PREX1: variants seen among roughly 807,000 people sequenced by gnomAD.
PREX1 encodes the protein phosphatidylinositol 3,4,5-trisphosphate-dependent Rac exchanger 1 protein.
A neutral mutation model predicts 198.3 loss-of-function variants in PREX1; 41 were observed. The ratio of observed to expected loss-of-function variants is 0.21; its 90% CI spans 0.16 to 0.27. PREX1 has a LOEUF of 0.27. Among genes scored for constraint, PREX1 ranks in the 10% least tolerant of loss-of-function variants. The pLI, the probability that PREX1 is intolerant of heterozygous loss-of-function variation, is 1.00. For missense variants in PREX1, 1,620 were observed against 2,200.7 expected, an observed-to-expected ratio of 0.74 and a Z score of 5.28; for synonymous variants, 843 against 887.2, an observed-to-expected ratio of 0.95 and a Z score of 0.89.
chr20:48,701,355 G>A (rs1413020097), intron 6 of PREX1, among the ~76,000 whole-genome samples: 3 of 152,142 alleles, frequency 2.0e-5, no homozygotes, highest in Non-Finnish European at 2.9e-5. Flanking sequence ...TGGGATTACA[G>A]GCATGCGCCA....
intron 16 of PREX1, among the ~76,000 whole-genome samples, chr20:48,659,515 T>C (rs2089574287): frequency 6.6e-6 from 1 of 151,932 alleles, no homozygotes; most frequent in Non-Finnish European, 1.5e-5. Flanking sequence ...TTCATATGAG[T>C]CAGGCTTCAG....
chr20:48,838,482 C>T, the PREX1 span, among the ~76,000 whole-genome samples: 1 of 152,028 alleles, frequency 6.6e-6, no homozygotes, highest in Non-Finnish European at 1.5e-5. Context: ...TTTGAAAGAA[C>T]CTAAATTCTC....
intron 1 of PREX1, among the ~76,000 whole-genome samples, chr20:48,779,003 G>C (rs1334844326): frequency 2.0e-5 from 3 of 152,098 alleles, no homozygotes; most frequent in African/African-American, 7.2e-5. Flanking sequence ...AAGAAGAAAA[G>C]GGATAAATTA....
intron 16 of PREX1, among the ~76,000 whole-genome samples, chr20:48,659,710 G>A (rs1398188395): frequency 6.6e-6 from 1 of 152,182 alleles, no homozygotes; most frequent in Admixed American, 6.5e-5. Context: ...AGGGAGACCT[G>A]CAAGCCCAAT....
Position 48,827,061 on chromosome 20 carries a change from C to T in PREX1, c.219+581G>A, listed in dbSNP as rs1233433149. On this transcript the variant is annotated intron_variant, in intron 1 of 39. Transcript: ENST00000371941. This position sits in a 1 kb window ranked among gnomAD's most constrained non-coding sequence, Gnocchi z 4.1. The stretch of plus-strand genomic sequence containing the variant: ...GGTGGGGGTGGATGCAGTTAGGGAG[C>T]CTGGACTGCCGAGTTTTGAGTTCGA... Among the ~76,000 whole-genome samples the T allele has an allele frequency of 2.0e-5, 3 of 152,090 alleles. No homozygotes were observed. The highest frequency in any genetic ancestry group is 4.4e-5 in the Non-Finnish European group (3 of 68,018).
intron 1 of PREX1, among the ~76,000 whole-genome samples, chr20:48,769,004 T>C (rs1355022401): frequency 6.6e-6 from 1 of 152,138 alleles, no homozygotes; most frequent in Non-Finnish European, 1.5e-5. Context: ...CCACCCTGGT[T>C]TGTCTACTGT....
At chr20:48,628,434 T>A (rs1663041148) in intron 37 of PREX1, among the ~76,000 whole-genome samples, 1 of 152,166 alleles carries the variant, frequency 6.6e-6, no homozygotes, top group African/African-American at 2.4e-5. Context: ...ATGTAACTCC[T>A]CTGTGACCCT....
intron 1 of PREX1, among the ~76,000 whole-genome samples, chr20:48,776,115 C>A (rs1404447398): frequency 6.6e-6 from 1 of 152,068 alleles, no homozygotes; most frequent in Non-Finnish European, 1.5e-5. Flanking sequence ...GGTAGAGGAC[C>A]CCAAGGCCCA....
the PREX1 span, among the ~76,000 whole-genome samples, chr20:48,853,325 G>C: frequency 6.6e-6 from 1 of 152,114 alleles, no homozygotes; most frequent in Non-Finnish European, 1.5e-5. Context: ...AAAGAAAAGA[G>C]ATTTAATTGA....
chr20:48,853,419 G>A, the PREX1 span, among the ~76,000 whole-genome samples: 1 of 152,270 alleles, frequency 6.6e-6, no homozygotes, highest in East Asian at 1.9e-4. Flanking sequence ...TTAGGAGAGA[G>A]AATGAGTGCA....
intron 10 of PREX1, among the ~76,000 whole-genome samples, chr20:48,685,086 T>C (rs1385027697): frequency 6.6e-6 from 1 of 152,210 alleles, no homozygotes; most frequent in African/African-American, 2.4e-5. Flanking sequence ...ATTCCCTTCT[T>C]TCTATCTGTC....
chr20:48,737,360 C>G (rs6066830), intron 3 of PREX1, among the ~76,000 whole-genome samples: 2 of 151,724 alleles, frequency 1.3e-5, no homozygotes, highest in Non-Finnish European at 2.9e-5. Context: ...GGATGTTTTA[C>G]GTCTCATTCA....
intron 1 of PREX1, among the ~76,000 whole-genome samples, chr20:48,764,102 C>A (rs1402484384): frequency 6.6e-6 from 1 of 152,182 alleles, no homozygotes; most frequent in Non-Finnish European, 1.5e-5. Flanking sequence ...CCCTGACCAG[C>A]CACTCACTTC....
In PREX1 at chr20:48,768,570, G is replaced by A. The variant is rs186377655; in HGVS notation, c.220-20690C>T. On this transcript the variant is annotated intron_variant, in intron 1 of 39. Transcript: ENST00000371941. ...AGCACTTTGGGAGGCAGAGGCGGCCGATCACTTGAGTTCAGGAGTTCGAGA... is the reference window on the plus strand; with the variant it reads ...AGCACTTTGGGAGGCAGAGGCGGCCAATCACTTGAGTTCAGGAGTTCGAGA... Among the ~76,000 whole-genome samples the A allele has an allele frequency of 2.4e-4, 37 of 152,256 alleles. No individual in the cohort carries two copies. In the East Asian group the frequency reaches 5.4e-3, roughly 22 times the overall value.
rs150050685 is a variant in PREX1 at position 48,691,079 on chromosome 20, C to T, written c.1054G>A (p.Gly352Ser). ...EDGTADYHSNGYTVTNGWKIH... is the reference protein window; with the variant it reads ...EDGTADYHSNSYTVTNGWKIH... ...TTCCAGCCGTTGGTGACGGTATAGC[C>T]GTTGCTATGGTAATCCGCTGGTGGG... Residue 352 changes from glycine (G) to serine (S), a missense_variant, in exon 9 of 40, where the codon GGC becomes AGC. Transcript: ENST00000371941. This position sits in a 1 kb window ranked among gnomAD's most constrained non-coding sequence, Gnocchi z 5.0. 1 of 1,614,060 alleles carries T rather than the reference C, an allele frequency of 6.2e-7. No homozygotes were observed. Among genetic ancestry groups the T allele is most frequent in the Non-Finnish European group, 8.5e-7 (1 of 1,180,040 alleles).
intron 3 of PREX1, 92 bp downstream of exon 3, chr20:48,744,933 G>C: frequency 7.3e-6 from 11 of 1,507,338 alleles, no homozygotes; most frequent in Non-Finnish European, 9.9e-6. Context: ...GGCCTACAGA[G>C]GAAGCTGGTG....
rs2089819022 is a variant in PREX1, at chr20:48,691,459, C to T, written c.1037-363G>A. Reference sequence around the variant, plus strand: ...AGTTACTTAAAACCTTAGTGCCAGCCTGACAAGCCAAGTCAAACGTGGGAC... The same window carrying T: ...AGTTACTTAAAACCTTAGTGCCAGCTTGACAAGCCAAGTCAAACGTGGGAC... On this transcript the variant is annotated intron_variant, in intron 8 of 39. Transcript: ENST00000371941. The surrounding 1 kb of genome is among the most constrained non-coding windows in gnomAD (Gnocchi z 5.0). 1.3e-5 allele frequency among the ~76,000 whole-genome samples: 2 copies of T among 152,300 alleles called. No homozygotes were observed. Among genetic ancestry groups the T allele is most frequent in the South Asian group, 4.2e-4 (2 of 4,816 alleles).
chr20:48,790,395 A>G (rs747883295), intron 1 of PREX1, among the ~76,000 whole-genome samples: 25 of 152,186 alleles, frequency 1.6e-4, no homozygotes, highest in African/African-American at 5.8e-4. Flanking sequence ...GAGAGGAAAC[A>G]GAGGAACAAA....
At chr20:48,627,400 G>A (rs1295067851) in intron 39 of PREX1, 148 bp downstream of exon 39, 1 of 880,026 alleles carries the variant, frequency 1.1e-6, no homozygotes, top group East Asian at 2.5e-5. Context: ...ACAAAGTTGT[G>A]TCTGTTGCTC....
Sources: allele counts gnomAD v4.1 joint callset (sites outside exome capture counted in the v4.1 genomes callset), GRCh38; gene constraint gnomAD v4.1.1; non-coding constraint Gnocchi (gnomAD v3.1); transcripts MANE v1.5; gene names NCBI Gene and HGNC (gene_info 2026-07-23, HGNC 2026-07-21).